The following PPME1 variants were observed in gnomAD, a reference collection of about 807,000 sequenced individuals.
PPME1 encodes testicular secretory protein Li 39.
A neutral mutation model predicts 56.9 loss-of-function variants in PPME1; 17 were observed. The observed-to-expected ratio is 0.30, with a 90% CI of 0.20 to 0.45. PPME1 has a LOEUF of 0.45. Ranked by LOEUF, PPME1 falls within the 20% of genes least tolerant of loss-of-function variation. PPME1 has a pLI of 1.00. For missense variants in PPME1, 357 were observed against 483.2 expected (o/e 0.74, Z 2.45); for synonymous variants, 122 against 156.2 (o/e 0.78, Z 1.63).
chr11:74,195,813 A>G (rs1857965973), intron 1 of PPME1, among the ~76,000 whole-genome samples: 1 of 152,200 alleles, frequency 6.6e-6, no homozygotes, highest in Admixed American at 6.5e-5. Flanking sequence ...ACCTTTTCAT[A>G]TCTTTATGGG....
At chr11:74,195,172 C>T (rs185014290) in intron 1 of PPME1, among the ~76,000 whole-genome samples, 2 of 152,244 alleles carry the variant, frequency 1.3e-5, no homozygotes, top group South Asian at 2.1e-4. Context: ...CTCATGTGTC[C>T]GTCACCTAGC....
intron 8 of PPME1, among the ~76,000 whole-genome samples, chr11:74,237,543 G>A (rs1565393888): frequency 6.6e-6 from 1 of 151,930 alleles, no homozygotes. Flanking sequence ...TCAAAGTGCT[G>A]GGATTACAGA....
chr11:74,202,812 C>T (rs1366119055), intron 1 of PPME1, among the ~76,000 whole-genome samples: 2 of 152,118 alleles, frequency 1.3e-5, no homozygotes, highest in Non-Finnish European at 2.9e-5. Flanking sequence ...TTTTTCCTCT[C>T]ATTTCCCAAT....
intron 1 of PPME1, among the ~76,000 whole-genome samples, chr11:74,178,942 A>G (rs977982294): frequency 6.6e-6 from 1 of 152,118 alleles, no homozygotes; most frequent in Non-Finnish European, 1.5e-5. Context: ...AGAAACTTTT[A>G]ATTAATAGTT....
intron 1 of PPME1, among the ~76,000 whole-genome samples, chr11:74,187,103 T>G (rs1267164907): frequency 6.6e-6 from 1 of 152,238 alleles, no homozygotes; most frequent in Non-Finnish European, 1.5e-5. Context: ...ATCATTGATT[T>G]ATATATCGAT....
At chr11:74,172,979 G>T (rs1224611953) in intron 1 of PPME1, among the ~76,000 whole-genome samples, 1 of 152,138 alleles carries the variant, frequency 6.6e-6, no homozygotes, top group Non-Finnish European at 1.5e-5. Context: ...AAACAGTGGG[G>T]TAAAGGAATG....
chr11:74,172,000 C>G (rs1007804236), intron 1 of PPME1, among the ~76,000 whole-genome samples: 3 of 151,940 alleles, frequency 2.0e-5, no homozygotes, highest in Admixed American at 1.3e-4. Context: ...ACTAGAAAAG[C>G]TGAGGGGGGT....
intron 9 of PPME1, among the ~76,000 whole-genome samples, chr11:74,242,878 CAAAAAAAAAAAAAA>C (rs5792649): frequency 3.3e-5 from 2 of 61,372 alleles, no homozygotes; most frequent in Non-Finnish European, 5.7e-5. Flanking sequence ...GACTCTGTCT[CAAAAAAAAAAAAAA>C]AAAAAAAAAA....
intron 1 of PPME1, among the ~76,000 whole-genome samples, chr11:74,195,469 A>G (rs1283749755): frequency 2.0e-5 from 3 of 152,156 alleles, no homozygotes; most frequent in African/African-American, 7.2e-5. Flanking sequence ...GCTATGCTAT[A>G]TTCTATTACC....
At chr11:74,215,836 T>A (rs1858625739) in intron 3 of PPME1, among the ~76,000 whole-genome samples, 1 of 152,090 alleles carries the variant, frequency 6.6e-6, no homozygotes, top group African/African-American at 2.4e-5. Context: ...TGATGCAAAC[T>A]AAAAAGTGGG....
chr11:74,230,129 T>C lies in PPME1; in HGVS notation c.399-116T>C. ...TAGGTATGTTTGTAAGATGGCCCAA[T>C]AGACTTTTACAGTTTCCCAGCACTG... On this transcript the variant is annotated intron_variant, in intron 5 of 13. Transcript: ENST00000328257. The surrounding 1 kb of genome is among the most constrained non-coding windows in gnomAD (Gnocchi z 4.9). The C allele has an allele frequency of 1.7e-6, 2 of 1,156,760 alleles. No individual in the cohort carries two copies. Among genetic ancestry groups the C allele is most frequent in the Non-Finnish European group, 2.4e-6 (2 of 820,584 alleles). 71.7% of individuals were successfully genotyped at this position (1,156,760 alleles called of 1,614,324 possible).
At chr11:74,175,798 AT>A (rs1438127010) in intron 1 of PPME1, among the ~76,000 whole-genome samples, 2 of 152,152 alleles carry the variant, frequency 1.3e-5, no homozygotes, top group Non-Finnish European at 2.9e-5. Context: ...AGGAGTTAAT[AT>A]TTTCTTTTAA....
chr11:74,235,099 G>A (rs1359937882), intron 7 of PPME1, among the ~76,000 whole-genome samples: 1 of 152,150 alleles, frequency 6.6e-6, no homozygotes, highest in African/African-American at 2.4e-5. Flanking sequence ...CATTATCTGA[G>A]GAGAGGGGCT....
chr11:74,199,123 AT>A (rs1858075054), intron 1 of PPME1, among the ~76,000 whole-genome samples: 1 of 152,068 alleles, frequency 6.6e-6, no homozygotes, highest in South Asian at 2.1e-4. Context: ...GAAATGTCTT[AT>A]CCCTCTCTCC....
chr11:74,189,125 C>G (rs1241325800), intron 1 of PPME1, among the ~76,000 whole-genome samples: 1 of 152,120 alleles, frequency 6.6e-6, no homozygotes, highest in Non-Finnish European at 1.5e-5. Context: ...TGCATTGGCT[C>G]ACACCTGTAA....
chr11:74,204,214 C>T (rs981193625), intron 2 of PPME1, 139 bp from the exon 3 acceptor site: 1 of 591,350 alleles, frequency 1.7e-6, no homozygotes, highest in Non-Finnish European at 2.9e-6. Context: ...GGGTTAGTGT[C>T]TCAGAAAAGT....
intron 1 of PPME1, among the ~76,000 whole-genome samples, chr11:74,200,484 C>T (rs893250104): frequency 3.3e-5 from 5 of 151,760 alleles, no homozygotes; most frequent in African/African-American, 4.8e-5. Context: ...TGGGTTCAAG[C>T]GATTCTCCTG....
At chr11:74,172,518 C>G (rs1231826020) in intron 1 of PPME1, among the ~76,000 whole-genome samples, 1 of 151,944 alleles carries the variant, frequency 6.6e-6, no homozygotes, top group Non-Finnish European at 1.5e-5. Flanking sequence ...ATTGGGAGTT[C>G]GAGAAATAGT....
At chr11:74,251,889 G>A (rs1859679111) in intron 13 of PPME1, 174 bp downstream of exon 13, 2 of 900,450 alleles carry the variant, frequency 2.2e-6, no homozygotes, top group Non-Finnish European at 3.7e-6. Context: ...GCCATGGTTG[G>A]TTGTTTCTTT....
Sources: allele counts gnomAD v4.1 joint callset (sites outside exome capture counted in the v4.1 genomes callset), GRCh38; gene constraint gnomAD v4.1.1; non-coding constraint Gnocchi (gnomAD v3.1); transcripts MANE v1.5; gene names NCBI Gene and HGNC (gene_info 2026-07-23, HGNC 2026-07-21).